Variants in EPB41L1 observed in about 807,000 individuals in gnomAD.
EPB41L1 encodes band 4.1-like protein 1.
A neutral mutation model predicts 97.8 loss-of-function variants in EPB41L1; 29 were observed. That is an observed-to-expected ratio of 0.30 (90% CI 0.22 to 0.40). EPB41L1 has a LOEUF of 0.40. Among genes scored for constraint, EPB41L1 ranks in the 10% least tolerant of loss-of-function variants. EPB41L1 has a pLI of 1.00. For missense variants in EPB41L1, 812 were observed against 1,162.3 expected (o/e 0.70, Z 4.38); for synonymous variants, 383 against 459.2 (o/e 0.83, Z 2.12).
intron 1 of EPB41L1, among the ~76,000 whole-genome samples, chr20:36,169,239 A>T (rs1435034129): frequency 6.6e-6 from 1 of 151,026 alleles, no homozygotes; most frequent in Non-Finnish European, 1.5e-5. Flanking sequence ...AAAAAAAAAA[A>T]GTGGCAACTC....
intron 14 of EPB41L1, chr20:36,205,976 G>C (rs1332753846): frequency 1.6e-6 from 2 of 1,289,912 alleles, no homozygotes; most frequent in Admixed American, 2.3e-5. Flanking sequence ...GCCAACGGCA[G>C]ACTCTCCAAG....
At chr20:36,119,390 G>A (rs1460613070) in intron 2 of EPB41L1, among the ~76,000 whole-genome samples, 1 of 152,110 alleles carries the variant, frequency 6.6e-6, no homozygotes, top group Admixed American at 6.5e-5. Context: ...ATCGCTGGAG[G>A]TCAGTAGTTT....
intron 17 of EPB41L1, among the ~76,000 whole-genome samples, chr20:36,218,400 C>T (rs73289660): frequency 0.02 from 3,064 of 152,222 alleles, 73 homozygotes; most frequent in African/African-American, 0.057. Context: ...TATATTTATC[C>T]TATGTATTTT....
intron 6 of EPB41L1, among the ~76,000 whole-genome samples, 199 bp downstream of exon 6, chr20:36,182,546 C>T (rs750933021): frequency 8.5e-5 from 13 of 152,200 alleles, no homozygotes; most frequent in Non-Finnish European, 1.6e-4. Flanking sequence ...TCAGTGGCAG[C>T]TGACCCTTGA....
Position 36,209,815 on chromosome 20 carries a change from C to T in EPB41L1, c.1996C>T (p.Pro666Ser). 3 of 1,613,808 alleles carry T rather than the reference C, an allele frequency of 1.9e-6. No individual in the cohort carries two copies. The highest frequency in any genetic ancestry group is 2.2e-5 in the South Asian group (2 of 91,078). ...CTCCCGGGATCTCAACAAGGGGGCC[C>T]CCAGCCAGGATGATGAGTCTGGGGG... is the stretch of plus-strand genomic sequence containing the variant. ...LFSRDLNKGA[P>S]SQDDESGGIE... is the part of the protein sequence containing the mutation. Residue 666 changes from proline to serine, a missense_variant, in exon 15 of 22, where the codon CCC becomes TCC. By Grantham distance (74) the Pro-to-Ser change is moderately conservative. Around this residue, in one of 3 missense-constraint regions of EPB41L1, gnomAD observed 498 missense variants for 622.7 expected, o/e 0.80. Coordinates refer to ENST00000338074, the MANE Select transcript of EPB41L1 (RefSeq NM_012156.2). This position sits in a 1 kb window ranked among gnomAD's most constrained non-coding sequence, Gnocchi z 4.2.
At chr20:36,201,524 A>G (rs2146613680) in intron 14 of EPB41L1, among the ~76,000 whole-genome samples, 1 of 152,314 alleles carries the variant, frequency 6.6e-6, no homozygotes, top group Admixed American at 6.5e-5. Context: ...TTAGGGCACG[A>G]CATTCCAGGC....
chr20:36,172,048 G>C (rs184285114), intron 1 of EPB41L1, among the ~76,000 whole-genome samples: 1 of 151,966 alleles, frequency 6.6e-6, no homozygotes, highest in Non-Finnish European at 1.5e-5. Flanking sequence ...CAACTTGTAC[G>C]TTTAAAAAAG....
At chr20:36,105,593 C>T (rs867639205) in intron 1 of EPB41L1, among the ~76,000 whole-genome samples, 1 of 152,172 alleles carries the variant, frequency 6.6e-6, no homozygotes, top group Non-Finnish European at 1.5e-5. Context: ...GCCATCGCTT[C>T]TTGGCACAGA....
At chr20:36,108,946 T>C (rs1368327762) in intron 1 of EPB41L1, among the ~76,000 whole-genome samples, 1 of 151,134 alleles carries the variant, frequency 6.6e-6, no homozygotes. Flanking sequence ...GTTCAGGGCT[T>C]CTTTTTTTTT....
At chr20:36,108,545 G>A (rs1351012084) in intron 1 of EPB41L1, among the ~76,000 whole-genome samples, 8 of 151,692 alleles carry the variant, frequency 5.3e-5, no homozygotes, top group South Asian at 2.1e-4. Flanking sequence ...ATGGAGGTGC[G>A]CACCTGTAAC....
chr20:36,177,002 A>G (rs978413240), intron 3 of EPB41L1, among the ~76,000 whole-genome samples: 3 of 152,116 alleles, frequency 2.0e-5, no homozygotes, highest in African/African-American at 4.8e-5. Context: ...GCTGTCTTCT[A>G]TGTCCTCTCT....
intron 2 of EPB41L1, among the ~76,000 whole-genome samples, chr20:36,117,814 G>C (rs113570120): frequency 0.011 from 1,653 of 152,304 alleles, 27 homozygotes; most frequent in African/African-American, 0.038. Flanking sequence ...AGCCCAGTGT[G>C]GGGGAGGAGT....
At position 36,178,576 on chromosome 20, in the gene EPB41L1, C is replaced by G; in HGVS notation, c.448-54C>G. 5.1e-6 allele frequency: 8 copies of G among 1,558,952 alleles called. 1 individual carries two copies. In the South Asian group the frequency reaches 8.9e-5, roughly 17 times the overall value. On this transcript the variant is annotated intron_variant, in intron 4 of 21. Transcript: ENST00000338074. ...TTCAGGATATTTCTCTCTCTCAGCC[C>G]AGTCAGGTCCTTTCCTGCGTCTTCC...
At chr20:36,111,250 A>T (rs2058391727) in intron 1 of EPB41L1, among the ~76,000 whole-genome samples, 1 of 152,204 alleles carries the variant, frequency 6.6e-6, no homozygotes. Context: ...AAGCTCATAA[A>T]CCACTGTGTG....
Position 36,190,145 on chromosome 20 carries a change from C to T in EPB41L1, c.1027-132C>T, listed in dbSNP as rs1456914716. 2 of 748,058 alleles carry T rather than the reference C, an allele frequency of 2.7e-6. No homozygotes were observed. The highest frequency in any genetic ancestry group is 4.6e-6 in the Non-Finnish European group (2 of 431,388). The allele number at this position is 748,058 out of a possible 1,614,324, so 46.3% of individuals were successfully genotyped here. ...GAGCTATGATTGCGCCACTGTACTC[C>T]ACCCTGGGCAAATGATCGAGACCCT... On this transcript the variant is annotated intron_variant, in intron 9 of 21. Coordinates refer to ENST00000338074, the MANE Select transcript of EPB41L1 (RefSeq NM_012156.2). This position sits in a 1 kb window ranked among gnomAD's most constrained non-coding sequence, Gnocchi z 5.8.
intron 14 of EPB41L1, 45 bp downstream of exon 14, chr20:36,198,086 G>A (rs942516241): frequency 1.3e-6 from 2 of 1,565,380 alleles, no homozygotes; most frequent in Non-Finnish European, 1.8e-6. Flanking sequence ...TGGGTAAAGA[G>A]ACATTGGGTT....
chr20:36,184,868 T>G (rs2061617729), intron 6 of EPB41L1, among the ~76,000 whole-genome samples: 1 of 152,130 alleles, frequency 6.6e-6, no homozygotes, highest in Admixed American at 6.6e-5. Context: ...AGTTAGAAAT[T>G]GAAAATGCTG....
rs914584529 is a variant in EPB41L1 at position 36,229,513 on chromosome 20, G to A, written c.*173G>A. The A allele has an allele frequency of 4.9e-5, 31 of 634,280 alleles. No individual in the cohort carries two copies. The highest frequency in any genetic ancestry group is 8.2e-5 in the Non-Finnish European group (29 of 351,734). 39.3% of individuals were successfully genotyped at this position (634,280 alleles called of 1,614,324 possible). On this transcript the variant is annotated 3_prime_UTR_variant, in exon 22 of 22. Transcript: ENST00000338074. ...ATATATATAGATATATAGAGATATA[G>A]ATATATATACAGGAAACACCGCATC...
intron 19 of EPB41L1, among the ~76,000 whole-genome samples, chr20:36,220,305 G>A (rs2063708862): frequency 6.6e-6 from 1 of 152,248 alleles, no homozygotes; most frequent in African/African-American, 2.4e-5. Flanking sequence ...TTGCTTATTT[G>A]TTTGTTCACT....
Sources: gnomAD v4.1 joint callset for allele counts (sites outside exome capture counted in the v4.1 genomes callset) on GRCh38, gnomAD v4.1.1 for gene constraint, gnomAD v4.1.1 regional missense constraint, Gnocchi (gnomAD v3.1) non-coding constraint, MANE v1.5 for transcripts, NCBI Gene and HGNC (gene_info 2026-07-23, HGNC 2026-07-21) for gene names.